The following OSBPL9 variants were observed in gnomAD, a reference collection of about 807,000 sequenced individuals.
The protein encoded by OSBPL9 is oxysterol binding protein like 9.
Under a neutral mutation model 106.6 loss-of-function variants are expected in OSBPL9, and 40 were observed. The observed-to-expected ratio is 0.38, with a 90% CI of 0.29 to 0.49. The LOEUF (loss-of-function observed/expected upper bound fraction) is 0.49, where lower values mean the gene tolerates loss of function less well. OSBPL9 is among the 20% of genes least tolerant of loss of function. OSBPL9 has a pLI of 0.97. For synonymous variants in OSBPL9, 269 were observed against 295.4 expected, an observed-to-expected ratio of 0.91 and a Z score of 0.92; for missense variants, 609 against 887.2, an observed-to-expected ratio of 0.69 and a Z score of 3.98.
At position 51,743,571 on chromosome 1, in the gene OSBPL9, C is replaced by G. The variant is rs550938879; in HGVS notation, c.319-1965C>G. On this transcript the variant is annotated intron_variant, in intron 4 of 23. Transcript: ENST00000428468. The stretch of plus-strand genomic sequence containing the variant: ...AAAATACTTAAAGATCACTTTTCCC[C>G]TCTCATTTAGATGCTTTTTTTATTC... Among the ~76,000 whole-genome samples the G allele has an allele frequency of 5.5e-4, 84 of 152,222 alleles. 1 individual carries two copies. The highest frequency in any genetic ancestry group is 2.0e-3 in the Admixed American group (30 of 15,298).
At chr1:51,545,269 CATT>C in the OSBPL9 span, among the ~76,000 whole-genome samples, 8 of 152,228 alleles carry the variant, frequency 5.3e-5, no homozygotes, top group East Asian at 1.5e-3. Context: ...GATGGAAAGT[CATT>C]ATTTTTTCTT....
At chr1:51,547,514 T>C in the OSBPL9 span, among the ~76,000 whole-genome samples, 1 of 152,146 alleles carries the variant, frequency 6.6e-6, no homozygotes, top group African/African-American at 2.4e-5. Context: ...AACTTAATTA[T>C]CTAAGTGGGA....
In OSBPL9 at chr1:51,784,288, A is replaced by G; in HGVS notation, c.1649A>G (p.Asp550Gly). The G allele has an allele frequency of 2.5e-6, 4 of 1,614,018 alleles. No individual in the cohort carries two copies. The South Asian group carries it at 4.4e-5, about 18-fold the overall frequency. The change falls in exon 19 of 24, where the codon GAT becomes GGT. Residue 550 changes from aspartate to glycine, a missense_variant. Asp to Gly is a moderately conservative substitution (Grantham distance 94). Transcript: ENST00000428468. Reference protein sequence around the residue: ...GQGCVSCLDYDEHYILTFPNG... With the variant: ...GQGCVSCLDYGEHYILTFPNG... ...GGCTGTGTCTCATGTCTAGACTATG[A>G]TGAACATTACATTCTCACATTCCCC...
At chr1:51,653,249 ATTAC>A (rs1413684704) in intron 2 of OSBPL9, among the ~76,000 whole-genome samples, 1 of 151,638 alleles carries the variant, frequency 6.6e-6, no homozygotes, top group Non-Finnish European at 1.5e-5. Context: ...GTTTGGTGTA[ATTAC>A]TTTTCTAAGC....
chr1:51,737,687 G>A (rs1666016910), intron 4 of OSBPL9, among the ~76,000 whole-genome samples: 1 of 151,854 alleles, frequency 6.6e-6, no homozygotes, highest in Admixed American at 6.6e-5. Context: ...TAAGCACTCA[G>A]TTAATATTAA....
At chr1:51,608,902 G>A (rs1227540150) in intron 2 of OSBPL9, among the ~76,000 whole-genome samples, 2 of 151,946 alleles carry the variant, frequency 1.3e-5, no homozygotes, top group Non-Finnish European at 1.5e-5. Flanking sequence ...ATAAGCCAGT[G>A]CTACCAATAG....
At chr1:51,628,038 C>CTAA (rs1260204770) in intron 1 of OSBPL9, among the ~76,000 whole-genome samples, 3 of 151,138 alleles carry the variant, frequency 2.0e-5, no homozygotes, top group African/African-American at 7.3e-5. Flanking sequence ...TACCACTGTA[C>CTAA]TAATGAAGGC....
rs190583684 is a variant in OSBPL9, at chr1:51,605,806, C to T, written c.-353+7613C>T. 3.5e-3 allele frequency among the ~76,000 whole-genome samples: 531 copies of T among 152,150 alleles called. 3 individuals carry two copies. Among genetic ancestry groups the T allele is most frequent in the African/African-American group, 0.012 (487 of 41,496 alleles). On this transcript the variant is annotated intron_variant, in intron 2 of 25. Transcript: ENST00000371714. ...GACCAGCCTGGCCAACATAGTGAAACGCTGTCTCCACTAAAAATACAAAAA... is the reference window on the plus strand; with the variant it reads ...GACCAGCCTGGCCAACATAGTGAAATGCTGTCTCCACTAAAAATACAAAAA...
intron 11 of OSBPL9, among the ~76,000 whole-genome samples, chr1:51,762,751 T>C (rs1671789504): frequency 6.6e-6 from 1 of 152,236 alleles, no homozygotes. Context: ...GTTTTTCCTT[T>C]AACAAAGAAC....
intron 3 of OSBPL9, among the ~76,000 whole-genome samples, chr1:51,693,097 A>C (rs997247534): frequency 6.6e-6 from 1 of 152,148 alleles, no homozygotes; most frequent in Non-Finnish European, 1.5e-5. Context: ...AATATGGATC[A>C]GCCTGAGTGT....
upstream of OSBPL9, among the ~76,000 whole-genome samples, chr1:51,616,003 G>GTTTTTTTTT (rs764823727): frequency 2.3e-4 from 24 of 104,500 alleles, no homozygotes; most frequent in African/African-American, 5.1e-4. Flanking sequence ...AAATCCTTTG[G>GTTTTTTTTT]TTTTTTTTTT....
chr1:51,654,974 A>G (rs578046684), intron 2 of OSBPL9, among the ~76,000 whole-genome samples: 183 of 152,234 alleles, frequency 1.2e-3, no homozygotes, highest in African/African-American at 4.3e-3. Context: ...GAAAGATGAA[A>G]AAGCTCTGGA....
chr1:51,749,787 C>T (rs1668838429), intron 7 of OSBPL9, among the ~76,000 whole-genome samples: 1 of 151,386 alleles, frequency 6.6e-6, no homozygotes, highest in African/African-American at 2.4e-5. Flanking sequence ...ATCGCTTGAG[C>T]CTCTGAGTTT....
At chr1:51,698,879 T>C (rs764130368) in intron 3 of OSBPL9, among the ~76,000 whole-genome samples, 17 of 152,208 alleles carry the variant, frequency 1.1e-4, no homozygotes, top group Non-Finnish European at 4.4e-5. Flanking sequence ...ATTTCTCATA[T>C]GAACAATTTG....
At chr1:51,667,229 A>G (rs1429099807) in intron 2 of OSBPL9, among the ~76,000 whole-genome samples, 1 of 152,204 alleles carries the variant, frequency 6.6e-6, no homozygotes, top group African/African-American at 2.4e-5. Flanking sequence ...TACATATACT[A>G]TGCAATTTAT....
At chr1:51,763,621 G>A (rs1671985260) in intron 11 of OSBPL9, among the ~76,000 whole-genome samples, 2 of 152,244 alleles carry the variant, frequency 1.3e-5, no homozygotes, top group South Asian at 4.1e-4. Context: ...ATTAGTAAAA[G>A]TACTGATGCT....
intron 4 of OSBPL9, among the ~76,000 whole-genome samples, chr1:51,716,841 C>T (rs148551980): frequency 6.6e-6 from 1 of 152,230 alleles, no homozygotes; most frequent in Non-Finnish European, 1.5e-5. Flanking sequence ...CTAGTATCTA[C>T]TGCCATGTTA....
intron 3 of OSBPL9, among the ~76,000 whole-genome samples, chr1:51,691,081 A>G (rs1032142724): frequency 2.0e-5 from 3 of 152,178 alleles, no homozygotes; most frequent in African/African-American, 4.8e-5. Context: ...TAGGGCACTT[A>G]CCATGAACGG....
chr1:51,677,753 A>G (rs1176164491), intron 3 of OSBPL9, among the ~76,000 whole-genome samples: 2 of 151,744 alleles, frequency 1.3e-5, no homozygotes, highest in East Asian at 3.9e-4. Context: ...GTTTCACCAT[A>G]TTGTCCAGGC....
Sources: allele counts gnomAD v4.1 joint callset (sites outside exome capture counted in the v4.1 genomes callset), GRCh38; gene constraint gnomAD v4.1.1; transcripts MANE v1.5; gene names NCBI Gene and HGNC (gene_info 2026-07-23, HGNC 2026-07-21).